The following TBC1D23 variants were observed in gnomAD, a reference collection of about 807,000 sequenced individuals.
TBC1D23 encodes TBC1 domain family member 23.
TBC1D23 carries 55 observed loss-of-function variants against 91.4 expected under a neutral mutation model. The ratio of observed to expected loss-of-function variants is 0.60; its 90% CI spans 0.48 to 0.75. TBC1D23 has a LOEUF of 0.75. TBC1D23 is among the 30% of genes least tolerant of loss of function. The pLI is 0.00. For synonymous variants in TBC1D23, 289 were observed against 281.0 expected, an observed-to-expected ratio of 1.03 and a Z score of -0.28; for missense variants, 725 against 836.1, an observed-to-expected ratio of 0.87 and a Z score of 1.64.
At chr3:100,269,780 A>T (rs961188400) in intron 1 of TBC1D23, among the ~76,000 whole-genome samples, 2 of 152,202 alleles carry the variant, frequency 1.3e-5, no homozygotes, top group African/African-American at 4.8e-5. Flanking sequence ...TTTGGTGCTG[A>T]TGTCTCATTC....
chr3:100,320,998 T>C (rs1705848442), intron 18 of TBC1D23, 27 bp downstream of exon 18: 2 of 1,505,098 alleles, frequency 1.3e-6, no homozygotes, highest in Admixed American at 3.9e-5. Context: ...GATAATATTA[T>C]CTGAATTCAG....
rs3081898 is a variant in TBC1D23, at chr3:100,313,010, A to AAATAAT, written c.1598+1150_1598+1155dup. On this transcript the variant is annotated intron_variant, in intron 15 of 18. Transcript: ENST00000394144. ...CTACAGAGTGAGACTGCGTCTCAAAAAATAATAATAATAATAATAATATAA... is the reference window on the plus strand; with the variant it reads ...CTACAGAGTGAGACTGCGTCTCAAAAAATAATAATAATAATAATAATAATAATATAA... 1.0e-2 allele frequency among the ~76,000 whole-genome samples: 1,491 copies of AAATAAT among 149,396 alleles called. 23 individuals are homozygous for AAATAAT. Among genetic ancestry groups the AAATAAT allele is most frequent in the East Asian group, 0.046 (232 of 5,044 alleles).
intron 15 of TBC1D23, among the ~76,000 whole-genome samples, chr3:100,312,756 T>A (rs1402975291): frequency 1.1e-4 from 16 of 152,120 alleles, no homozygotes; most frequent in Non-Finnish European, 1.3e-4. Flanking sequence ...ATATTTTCAA[T>A]GTAAGTTAAG....
intron 3 of TBC1D23, 31 bp from the exon 4 acceptor site, chr3:100,283,576 A>C (rs761275034): frequency 6.5e-7 from 1 of 1,542,972 alleles, no homozygotes; most frequent in African/African-American, 1.4e-5. Flanking sequence ...ACAGGCCCTC[A>C]GTAACTTTAT....
chr3:100,323,721 C>A lies in TBC1D23; in HGVS notation c.*53C>A. 1 of 893,158 alleles carries A rather than the reference C, an allele frequency of 1.1e-6. No homozygotes were observed. The highest frequency in any genetic ancestry group is 1.6e-6 in the Non-Finnish European group (1 of 631,430). The allele number at this position is 893,158 out of a possible 1,614,324, so 55.3% of individuals were successfully genotyped here. ...TTAAGACAACCAAGAGAAACATGGA[C>A]ATATACCTCCTGACTGAATACTAAC... is the stretch of plus-strand genomic sequence containing the variant. On this transcript the variant is annotated 3_prime_UTR_variant, in exon 19 of 19. Transcript: ENST00000394144.
intron 10 of TBC1D23, among the ~76,000 whole-genome samples, chr3:100,301,336 T>G (rs955853774): frequency 6.6e-6 from 1 of 151,934 alleles, no homozygotes; most frequent in Non-Finnish European, 1.5e-5. Context: ...GAGAATGCCA[T>G]TGGCATTATT....
At chr3:100,314,659 T>C (rs1705701135) in intron 15 of TBC1D23, among the ~76,000 whole-genome samples, 1 of 152,124 alleles carries the variant, frequency 6.6e-6, no homozygotes, top group South Asian at 2.1e-4. Context: ...CACACTGTGG[T>C]CCCAGCTACA....
At chr3:100,267,988 T>C (rs2067570374) in intron 1 of TBC1D23, among the ~76,000 whole-genome samples, 1 of 152,004 alleles carries the variant, frequency 6.6e-6, no homozygotes, top group Non-Finnish European at 1.5e-5. Flanking sequence ...CTGGGCAACA[T>C]AGTGAGGCCT....
chr3:100,310,587 T>A (rs368839916), intron 14 of TBC1D23, 45 bp downstream of exon 14: 43 of 1,469,292 alleles, frequency 2.9e-5, no homozygotes, highest in Non-Finnish European at 3.7e-5. Context: ...TAATTAAAAC[T>A]AAAGAAACAA....
intron 1 of TBC1D23, among the ~76,000 whole-genome samples, chr3:100,276,485 G>A (rs1440499131): frequency 4.6e-5 from 7 of 152,044 alleles, no homozygotes; most frequent in Admixed American, 4.6e-4. Flanking sequence ...ATTAAATTTG[G>A]TAGTGCTTGA....
chr3:100,286,596 C>T (rs564835381), intron 4 of TBC1D23, among the ~76,000 whole-genome samples: 7 of 152,104 alleles, frequency 4.6e-5, no homozygotes, highest in East Asian at 1.9e-4. Flanking sequence ...CTCCTGGATT[C>T]AAGTGATTCT....
chr3:100,273,105 C>G (rs1478075452), intron 1 of TBC1D23, among the ~76,000 whole-genome samples: 1 of 152,190 alleles, frequency 6.6e-6, no homozygotes, highest in African/African-American at 2.4e-5. Context: ...TTCAGACTAT[C>G]ACATGGGGAG....
intron 5 of TBC1D23, among the ~76,000 whole-genome samples, chr3:100,291,151 A>G (rs1422959408): frequency 2.0e-5 from 3 of 152,238 alleles, no homozygotes. Flanking sequence ...TATAAAGTAT[A>G]ACGCTGTGCT....
At chr3:100,295,247 T>G in intron 6 of TBC1D23, 36 bp downstream of exon 6, 2 of 1,597,386 alleles carry the variant, frequency 1.3e-6, no homozygotes, top group Non-Finnish European at 1.7e-6. Flanking sequence ...TTTTCCTCTT[T>G]TCTCAGGGTG....
chr3:100,262,385 A>G (rs2148846530), intron 1 of TBC1D23, among the ~76,000 whole-genome samples: 1 of 152,332 alleles, frequency 6.6e-6, no homozygotes, highest in South Asian at 2.1e-4. Context: ...GCTGTCTAAT[A>G]GAAGCCACAT....
chr3:100,279,928 G>C (rs1350506088), intron 2 of TBC1D23, among the ~76,000 whole-genome samples, 168 bp downstream of exon 2: 1 of 152,128 alleles, frequency 6.6e-6, no homozygotes, highest in African/African-American at 2.4e-5. Flanking sequence ...GTAGTGTTTG[G>C]TATATTTAAC....
intron 4 of TBC1D23, among the ~76,000 whole-genome samples, chr3:100,289,665 G>T (rs2067773295): frequency 6.6e-6 from 1 of 152,294 alleles, no homozygotes; most frequent in Middle Eastern, 3.4e-3. Context: ...TCTTCTTAGA[G>T]CTGAGCAGGC....
At chr3:100,276,573 C>G (rs998264306) in intron 1 of TBC1D23, among the ~76,000 whole-genome samples, 3 of 152,080 alleles carry the variant, frequency 2.0e-5, no homozygotes, top group Non-Finnish European at 2.9e-5. Flanking sequence ...GAAGAAAAAT[C>G]CAATTCATTT....
chr3:100,261,046 C>T lies in TBC1D23; in HGVS notation c.28C>T (p.Leu10=). ...GGCGGAAGGAGAAGATGTGCCGCCG[C>T]TGCCAACGTCGAGCGGCGACGGCTG... MAEGEDVPP[L]PTSSGDGWEK... is the part of the protein sequence containing the mutation. Residue 10 remains leucine, a synonymous_variant, in exon 1 of 19, where the codon CTG becomes TTG. Transcript: ENST00000394144. 1 of 1,614,124 alleles carries T rather than the reference C, an allele frequency of 6.2e-7. No individual in the cohort carries two copies. Among genetic ancestry groups the T allele is most frequent in the Non-Finnish European group, 8.5e-7 (1 of 1,179,950 alleles).
Sources: allele counts gnomAD v4.1 joint callset (sites outside exome capture counted in the v4.1 genomes callset), GRCh38; gene constraint gnomAD v4.1.1; transcripts MANE v1.5; gene names NCBI Gene and HGNC (gene_info 2026-07-23, HGNC 2026-07-21).